Variants in FAAH2 observed in about 807,000 individuals in gnomAD.
FAAH2 encodes fatty-acid amide hydrolase 2.
Under a neutral mutation model 36.9 loss-of-function variants are expected in FAAH2, and 60 were observed. The observed-to-expected ratio is 1.63, with a 90% CI of 1.32 to 2.02. FAAH2 has a LOEUF of 2.02. FAAH2 is among the 30% of genes most tolerant of loss of function. The probability of loss-of-function intolerance (pLI) is 0.00; values close to 1 mark genes in which losing one functional copy is unlikely to be tolerated. For synonymous variants in FAAH2, 214 were observed against 143.8 expected (o/e 1.49, Z -3.49); for missense variants, 689 against 397.5 (o/e 1.73, Z -6.23).
the FAAH2 span, among the ~76,000 whole-genome samples, chrX:57,154,578 G>T: frequency 6.1e-4 from 67 of 110,198 alleles, no homozygotes; most frequent in Non-Finnish European, 6.6e-4. Flanking sequence ...TGGCCTTGTT[G>T]TATCTTTTTA....
chrX:57,448,668 C>A lies in FAAH2; in HGVS notation c.1373C>A (p.Ala458Glu). Residue 458 changes from alanine (A) to glutamate (E), a missense_variant, in exon 10 of 11, where the codon GCA becomes GAA. Physicochemically the swap from Ala to Glu is moderately radical, Grantham distance 107 (BLOSUM62 -1). Coordinates refer to ENST00000374900, the MANE Select transcript of FAAH2 (RefSeq NM_174912.4). ...TTATATCCCTCACATCCCACAGTGG[C>A]ACCTAAGCATCATGTCCCTCTAACA... Reference protein sequence around the residue: ...VFLYPSHPTVAPKHHVPLTRP... With the variant: ...VFLYPSHPTVEPKHHVPLTRP... The A allele has an allele frequency of 1.7e-6, 2 of 1,211,427 alleles. No individual in the cohort carries two copies. The highest frequency in any genetic ancestry group is 2.2e-6 in the Non-Finnish European group (2 of 895,274).
the FAAH2 span, among the ~76,000 whole-genome samples, chrX:57,184,916 T>G: frequency 8.9e-6 from 1 of 111,875 alleles, no homozygotes; most frequent in African/African-American, 3.2e-5. Flanking sequence ...CAAAACAAGA[T>G]TGTGACATGC....
the FAAH2 span, among the ~76,000 whole-genome samples, chrX:57,134,055 A>G: frequency 2.5e-4 from 28 of 111,300 alleles, no homozygotes; most frequent in East Asian, 5.7e-3. Flanking sequence ...AGTTGCAGAA[A>G]CTAGTGGGCG....
chrX:57,147,473 G>T, the FAAH2 span, among the ~76,000 whole-genome samples: 1 of 111,466 alleles, frequency 9.0e-6, no homozygotes, highest in African/African-American at 3.3e-5. Flanking sequence ...GTTGCCAGTG[G>T]TTTATCAATT....
At chrX:57,458,602 G>A (rs1372002483) in intron 10 of FAAH2, among the ~76,000 whole-genome samples, 2 of 112,161 alleles carry the variant, frequency 1.8e-5, no homozygotes, top group East Asian at 5.7e-4. Flanking sequence ...ACGCAGAAGG[G>A]GAGTGACTTC....
chrX:57,333,019 C>T (rs1364257873), intron 4 of FAAH2, among the ~76,000 whole-genome samples: 1 of 111,548 alleles, frequency 9.0e-6, no homozygotes, highest in Non-Finnish European at 1.9e-5. Flanking sequence ...AGCAGGGGCA[C>T]ATGCTAACTA....
chrX:57,253,746 C>A, the FAAH2 span, among the ~76,000 whole-genome samples: 1 of 111,286 alleles, frequency 9.0e-6, no homozygotes, highest in Non-Finnish European at 1.9e-5. Context: ...CAAGGCCTGC[C>A]TCACAGGAGC....
At position 57,488,853 on chromosome X, in the gene FAAH2, T is replaced by G. The variant is rs377395090; in HGVS notation, c.1520T>G (p.Phe507Cys). 211 of 1,209,311 alleles carry G rather than the reference T, an allele frequency of 1.7e-4. No individual in the cohort carries two copies. The highest frequency in any genetic ancestry group is 1.8e-4 in the Non-Finnish European group (163 of 895,129). The change falls in exon 11 of 11, where the codon TTT becomes TGT. Residue 507 changes from phenylalanine to cysteine, a missense_variant. Phe to Cys is a radical substitution (Grantham distance 205). Coordinates refer to ENST00000374900, the MANE Select transcript of FAAH2 (RefSeq NM_174912.4). ...GGCATCCAGGTTGTGGCTGGACCCT[T>G]TAATGATCATCTGACCCTGGCTGTG... ...PLGIQVVAGP[F>C]NDHLTLAVAQ...
chrX:57,468,063 A>G (rs1196730722), intron 10 of FAAH2, among the ~76,000 whole-genome samples: 2 of 112,131 alleles, frequency 1.8e-5, no homozygotes, highest in Non-Finnish European at 3.8e-5. Context: ...AAAACTAACA[A>G]AAAGAAAGGA....
chrX:57,202,157 G>A, the FAAH2 span, among the ~76,000 whole-genome samples: 1 of 111,896 alleles, frequency 8.9e-6, no homozygotes, highest in East Asian at 2.8e-4. Context: ...TTTAGTTTAT[G>A]TGGTGAGGTC....
At chrX:57,371,748 A>T (rs973717079) in intron 5 of FAAH2, among the ~76,000 whole-genome samples, 1 of 110,830 alleles carries the variant, frequency 9.0e-6, no homozygotes, top group African/African-American at 3.3e-5. Flanking sequence ...TGAACCTGTT[A>T]CCCAGGTAGT....
chrX:57,252,072 C>A, the FAAH2 span, among the ~76,000 whole-genome samples: 1 of 112,832 alleles, frequency 8.9e-6, no homozygotes, highest in Non-Finnish European at 1.9e-5. Flanking sequence ...ACCAGGAGAC[C>A]TGCCTGGCTT....
At chrX:57,381,766 T>C (rs2054857305) in intron 7 of FAAH2, 1 of 111,043 alleles carries the variant, frequency 9.0e-6, no homozygotes, top group Non-Finnish European at 1.9e-5. Context: ...GACAGATCAA[T>C]GAGACAGAAA....
intron 3 of FAAH2, among the ~76,000 whole-genome samples, chrX:57,323,958 G>T (rs1437665467): frequency 1.9e-4 from 21 of 111,088 alleles, no homozygotes; most frequent in African/African-American, 6.9e-4. Flanking sequence ...TTCTTCTAGG[G>T]TTTTTATGGT....
chrX:57,233,680 C>T, the FAAH2 span, among the ~76,000 whole-genome samples: 63 of 112,310 alleles, frequency 5.6e-4, no homozygotes, highest in East Asian at 1.1e-3. Context: ...CCCTCTATTG[C>T]CCAGGCTGGA....
At chrX:57,343,651 G>A (rs1037621160) in intron 5 of FAAH2, among the ~76,000 whole-genome samples, 1 of 111,210 alleles carries the variant, frequency 9.0e-6, no homozygotes, top group East Asian at 2.8e-4. Context: ...AATTTTCTTT[G>A]AAATTGCTTT....
rs1195465739 is a variant in FAAH2, at chrX:57,292,548, G to A, written c.243G>A (p.Val81=). ...VQAYINRIKD[V]NPMINGIVKY... is the part of the protein sequence containing the mutation. ...CTTATATCAACAGAATCAAGGACGT[G>A]AACCCAATGATCAATGGAATTGTCA... Residue 81 remains valine, a synonymous_variant, in exon 2 of 11, where the codon GTG becomes GTA. Coordinates refer to ENST00000374900, the MANE Select transcript of FAAH2 (RefSeq NM_174912.4). 2.5e-6 allele frequency: 3 copies of A among 1,209,961 alleles called. No homozygotes were observed. The highest frequency in any genetic ancestry group is 3.4e-6 in the Non-Finnish European group (3 of 894,384).
In FAAH2 at chrX:57,440,594, TCTTTC is replaced by T. The variant is rs2056529511; in HGVS notation, c.1117-6332_1117-6328del. On this transcript the variant is annotated intron_variant, in intron 8 of 10. Transcript: ENST00000374900. ...TTTTACTAATTGAATATTCTTTATT[TCTTTC>T]CCTTGTCTGATTTCCCTAAAGAGAA... Among the ~76,000 whole-genome samples, 3 of 111,699 alleles carry T rather than the reference TCTTTC, an allele frequency of 2.7e-5. No homozygotes were observed. The South Asian group carries it at 1.1e-3, about 42-fold the overall frequency.
chrX:57,417,361 G>C (rs1191072451), intron 7 of FAAH2, among the ~76,000 whole-genome samples: 1 of 112,040 alleles, frequency 8.9e-6, no homozygotes, highest in Non-Finnish European at 1.9e-5. Flanking sequence ...CATCATCATG[G>C]ATTTATCTTC....
Sources: allele counts gnomAD v4.1 joint callset (sites outside exome capture counted in the v4.1 genomes callset), GRCh38; gene constraint gnomAD v4.1.1; transcripts MANE v1.5; gene names NCBI Gene and HGNC (gene_info 2026-07-23, HGNC 2026-07-21).